SDSL: variants seen among roughly 807,000 people sequenced by gnomAD.
SDSL encodes serine dehydratase like.
SDSL carries 26 observed loss-of-function variants against 27.6 expected under a neutral mutation model. The observed-to-expected ratio is 0.94, with a 90% CI of 0.69 to 1.31. The LOEUF is 1.31. SDSL is among the 50% of genes most tolerant of loss of function. The pLI is 0.00. For missense variants in SDSL, 431 were observed against 423.5 expected, an observed-to-expected ratio of 1.02 and a Z score of -0.16; for synonymous variants, 196 against 180.6, an observed-to-expected ratio of 1.09 and a Z score of -0.69.
intron 5 of SDSL, 30 bp downstream of exon 5, chr12:113,434,252 C>G (rs1459526248): frequency 1.3e-6 from 2 of 1,525,578 alleles, no homozygotes; most frequent in Non-Finnish European, 1.8e-6. Context: ...CCCCAGGAGT[C>G]CAGAGCTGGG....
At chr12:113,435,578 T>C (rs952647683) in intron 6 of SDSL, 22 bp downstream of exon 6, 1 of 1,594,092 alleles carries the variant, frequency 6.3e-7, no homozygotes, top group Middle Eastern at 1.7e-4. Context: ...CTGGGGACAT[T>C]TGTAGGGGCT....
chr12:113,425,125 G>T (rs12823432), intron 1 of SDSL, among the ~76,000 whole-genome samples: 1 of 152,108 alleles, frequency 6.6e-6, no homozygotes, highest in Non-Finnish European at 1.5e-5. Flanking sequence ...GCACAGAGAG[G>T]TTGTGACACT....
At chr12:113,437,804 G>A in intron 7 of SDSL, 82 bp from the exon 8 acceptor site, 1 of 1,255,810 alleles carries the variant, frequency 8.0e-7, no homozygotes, top group Admixed American at 2.3e-5. Flanking sequence ...TGGCTGCAAG[G>A]ATCTGCCGTG....
intron 6 of SDSL, among the ~76,000 whole-genome samples, chr12:113,436,100 C>T (rs565975945): frequency 2.4e-4 from 36 of 152,144 alleles, no homozygotes; most frequent in Admixed American, 3.9e-4. Context: ...CCATCGTGCT[C>T]CAGCCTGGGA....
At position 113,429,217 on chromosome 12, in the gene SDSL, C is replaced by A; in HGVS notation, c.272C>A (p.Thr91Asn). ...GCTAGGAAGCTGGGCATTCCTGCCA[C>A]CATCGTGCTCCCCGAGAGCACCTCC... ...YAARKLGIPA[T>N]IVLPESTSLQ... The change falls in exon 4 of 8, where the codon ACC becomes AAC. Residue 91 changes from threonine (T) to asparagine (N), a missense_variant. Thr to Asn is a moderately conservative substitution (Grantham distance 65). Coordinates refer to ENST00000403593, the MANE Select transcript of SDSL (RefSeq NM_001304993.2). 4 of 1,613,924 alleles carry A rather than the reference C, an allele frequency of 2.5e-6. No homozygotes were observed. Among genetic ancestry groups the A allele is most frequent in the Non-Finnish European group, 3.4e-6 (4 of 1,179,890 alleles).
In SDSL at chr12:113,437,736, C is replaced by A. The variant is rs563804927; in HGVS notation, c.797-150C>A. On this transcript the variant is annotated intron_variant, in intron 7 of 7. Coordinates refer to ENST00000403593, the MANE Select transcript of SDSL (RefSeq NM_001304993.2). ...AGGCCAGGCTGATGGATGGGGAGAG[C>A]GTGAGACAAGTGATGGATTGCCAGC... The A allele has an allele frequency of 1.8e-5, 13 of 703,066 alleles. No homozygotes were observed. In the East Asian group the frequency reaches 2.9e-4, roughly 16 times the overall value. 43.6% of individuals were successfully genotyped at this position (703,066 alleles called of 1,614,324 possible). A position where few individuals can be genotyped will look rare whatever the true frequency, so the allele number is the denominator to read the frequency against.
rs747474199 is a variant in SDSL, at chr12:113,438,127, C to T, written c.*48C>T. ...GACCCCTGAGAGGCCCATGGACAGT[C>T]CTGTGTCTGGATGAGGAGGACTCAG... On this transcript the variant is annotated 3_prime_UTR_variant, in exon 8 of 8. Transcript: ENST00000403593. The T allele has an allele frequency of 3.3e-6, 5 of 1,498,994 alleles. No individual in the cohort carries two copies. Among genetic ancestry groups the T allele is most frequent in the South Asian group, 1.2e-5 (1 of 82,374 alleles). The allele number at this position is 1,498,994 out of a possible 1,614,324, so 92.9% of individuals were successfully genotyped here.
At chr12:113,425,060 C>T (rs1227576221) in intron 1 of SDSL, among the ~76,000 whole-genome samples, 2 of 152,128 alleles carry the variant, frequency 1.3e-5, no homozygotes, top group Non-Finnish European at 2.9e-5. Context: ...TAACTTACAC[C>T]ACAACCTGTG....
At position 113,438,179 on chromosome 12, in the gene SDSL, C is replaced by T. The variant is rs1958025836; in HGVS notation, c.*100C>T. 3 of 1,078,464 alleles carry T rather than the reference C, an allele frequency of 2.8e-6. No individual in the cohort carries two copies. The highest frequency in any genetic ancestry group is 2.3e-5 in the Admixed American group (1 of 42,774). 66.8% of individuals were successfully genotyped at this position (1,078,464 alleles called of 1,614,324 possible). A position where few individuals can be genotyped will look rare whatever the true frequency, so the allele number is the denominator to read the frequency against. Reference sequence around the variant, plus strand: ...GCTGGCAGATGGCAGTGGAAGCTGCCCTGTGCAACTGTGCTGGCTGCCTCC... The same window carrying T: ...GCTGGCAGATGGCAGTGGAAGCTGCTCTGTGCAACTGTGCTGGCTGCCTCC... On this transcript the variant is annotated 3_prime_UTR_variant, in exon 8 of 8. Transcript: ENST00000403593.
intron 1 of SDSL, among the ~76,000 whole-genome samples, chr12:113,424,530 G>A (rs1471763952): frequency 1.3e-5 from 2 of 152,204 alleles, no homozygotes. Context: ...CAAGGTTGAT[G>A]TCTATCTTGT....
rs1957956105 is a variant in SDSL at position 113,433,284 on chromosome 12, G to A, written c.355-850G>A. Among the ~76,000 whole-genome samples the A allele has an allele frequency of 3.3e-5, 5 of 152,334 alleles. No individual in the cohort carries two copies. In the South Asian group the frequency reaches 1.0e-3, roughly 32 times the overall value. ...CTGGGCACAGAGTGGGCACTGCAGA[G>A]TCCCTGAGGATGAGCAGGGGCTAGT... On this transcript the variant is annotated intron_variant, in intron 4 of 7. Transcript: ENST00000403593.
chr12:113,430,687 C>A (rs1430052853), intron 4 of SDSL, among the ~76,000 whole-genome samples: 3 of 152,118 alleles, frequency 2.0e-5, no homozygotes, highest in Admixed American at 2.0e-4. Context: ...CAGCTGAGAC[C>A]AACATCAATG....
intron 4 of SDSL, among the ~76,000 whole-genome samples, chr12:113,433,872 C>T (rs532974096): frequency 2.2e-4 from 33 of 152,236 alleles, no homozygotes; most frequent in Non-Finnish European, 2.5e-4. Context: ...GCCTCCCTGG[C>T]TGGCCTGGCC....
intron 1 of SDSL, among the ~76,000 whole-genome samples, chr12:113,426,542 G>T (rs896557309): frequency 6.6e-6 from 1 of 152,052 alleles, no homozygotes; most frequent in Admixed American, 6.6e-5. Flanking sequence ...CCTCAGTGAG[G>T]TATAATTTAC....
chr12:113,435,416 T>G lies in SDSL; in HGVS notation c.531T>G (p.Gly177=), dbSNP rs1593315776. ...TGGTGCTGGCAGTTGGGGGTGGGGG[T>G]CTCCTGGCCGGGGTGGTGGCTGGCC... ...GALVLAVGGG[G]LLAGVVAGLL... Residue 177 remains glycine, a synonymous_variant, in exon 6 of 8, where the codon GGT becomes GGG. Coordinates refer to ENST00000403593, the MANE Select transcript of SDSL (RefSeq NM_001304993.2). 6.2e-7 allele frequency: 1 copy of G among 1,612,146 alleles called. No individual in the cohort carries two copies. Among genetic ancestry groups the G allele is most frequent in the Non-Finnish European group, 8.5e-7 (1 of 1,179,294 alleles).
At chr12:113,432,507 A>AT (rs1007315170) in intron 4 of SDSL, among the ~76,000 whole-genome samples, 6 of 150,278 alleles carry the variant, frequency 4.0e-5, no homozygotes, top group East Asian at 2.0e-4. Context: ...ACACCCGGCT[A>AT]TTTTTTTGTA....
Position 113,435,548 on chromosome 12 carries a change from C to T in SDSL, c.663C>T (p.Asp221=), listed in dbSNP as rs1171530026. The T allele has an allele frequency of 1.2e-6, 2 of 1,612,852 alleles. No individual in the cohort carries two copies. Among genetic ancestry groups the T allele is most frequent in the South Asian group, 1.1e-5 (1 of 90,860 alleles). ...CCGGCAAGCTGGTCACACTTCCAGA[C>T]ATCACCAGGTGGGTAAGGGCTGGGG... is the stretch of plus-strand genomic sequence containing the variant. The part of the protein sequence containing the change: ...ITAGKLVTLP[D]ITSVAKSLGA... The change falls in exon 6 of 8, where the codon GAC becomes GAT. Residue 221 remains aspartate, a synonymous_variant. Transcript: ENST00000403593.
chr12:113,430,690 C>A (rs1264209275), intron 4 of SDSL, among the ~76,000 whole-genome samples: 1 of 152,180 alleles, frequency 6.6e-6, no homozygotes, highest in African/African-American at 2.4e-5. Context: ...CTGAGACCAA[C>A]ATCAATGGGG....
In SDSL at chr12:113,434,168, T is replaced by C. The variant is rs1389672787; in HGVS notation, c.389T>C (p.Leu130Ser). ...WDEANLRAQE[L>S]AKRDGWENVP... ...GAGGCCAATCTGAGGGCGCAAGAGT[T>C]GGCCAAGAGGGACGGCTGGGAGAAT... Residue 130 changes from leucine (L) to serine (S), a missense_variant, in exon 5 of 8, where the codon TTG becomes TCG. Transcript: ENST00000403593. 2.5e-6 allele frequency: 4 copies of C among 1,613,646 alleles called. No individual in the cohort carries two copies. The Admixed American group carries it at 6.7e-5, about 27-fold the overall frequency.
Sources: allele counts gnomAD v4.1 joint callset (sites outside exome capture counted in the v4.1 genomes callset), GRCh38; gene constraint gnomAD v4.1.1; transcripts MANE v1.5; gene names NCBI Gene and HGNC (gene_info 2026-07-23, HGNC 2026-07-21).